Variants in PIAS2 observed in about 807,000 individuals in gnomAD.
The protein encoded by PIAS2 is protein inhibitor of activated STAT 2.
A neutral mutation model predicts 69.7 loss-of-function variants in PIAS2; 19 were observed. The observed-to-expected ratio is 0.27, with a 90% CI of 0.19 to 0.40. The LOEUF is 0.40. PIAS2 is among the 10% of genes least tolerant of loss of function. The pLI is 1.00. For missense variants in PIAS2, 624 were observed against 757.0 expected (o/e 0.82, Z 2.06); for synonymous variants, 261 against 263.2 (o/e 0.99, Z 0.08).
At chr18:46,888,951 T>G (rs1332204878) in intron 2 of PIAS2, among the ~76,000 whole-genome samples, 3 of 152,160 alleles carry the variant, frequency 2.0e-5, no homozygotes, top group Admixed American at 6.5e-5. Context: ...GGTCAAATAC[T>G]TTTTGACAAG....
chr18:46,859,623 T>A (rs1247420773), intron 3 of PIAS2, among the ~76,000 whole-genome samples: 2 of 152,112 alleles, frequency 1.3e-5, no homozygotes, highest in Non-Finnish European at 2.9e-5. Context: ...ACTTCGCATC[T>A]TTGGTGCCTG....
intron 9 of PIAS2, among the ~76,000 whole-genome samples, chr18:46,835,803 T>C (rs1251756999): frequency 6.6e-6 from 1 of 152,218 alleles, no homozygotes; most frequent in African/African-American, 2.4e-5. Flanking sequence ...AAATCTTACA[T>C]GGTACATGGA....
rs971537968 is a variant in PIAS2, at chr18:46,803,314, T to A, written c.*9119A>T. On this transcript the variant is annotated 3_prime_UTR_variant, in exon 14 of 14. Transcript: ENST00000585916. ...GGTGGTATTTTAAATGAAAGTTTTT[T>A]AAAAAATGGATACTTACTTTTTTAG... is the stretch of plus-strand genomic sequence containing the variant. 2.0e-5 allele frequency: 3 copies of A among 152,164 alleles called. No homozygotes were observed. Among genetic ancestry groups the A allele is most frequent in the African/African-American group, 4.8e-5 (2 of 41,436 alleles). The allele number at this position is 152,164 out of a possible 1,614,324, so 9.4% of individuals were successfully genotyped here.
At chr18:46,907,173 C>T (rs2056722739) in intron 1 of PIAS2, among the ~76,000 whole-genome samples, 1 of 152,190 alleles carries the variant, frequency 6.6e-6, no homozygotes, top group Non-Finnish European at 1.5e-5. Context: ...ATGTGCAAAA[C>T]ATAACCAGCA....
intron 10 of PIAS2, among the ~76,000 whole-genome samples, chr18:46,829,183 C>T (rs924052793): frequency 3.3e-5 from 5 of 152,090 alleles, no homozygotes; most frequent in African/African-American, 9.7e-5. Context: ...CTCCAAATGC[C>T]CTCAGTTTCC....
At position 46,844,849 on chromosome 18, in the gene PIAS2, A is replaced by C; in HGVS notation, c.862-10T>G. 2 of 1,186,736 alleles carry C rather than the reference A, an allele frequency of 1.7e-6. No homozygotes were observed. The highest frequency in any genetic ancestry group is 2.3e-6 in the Non-Finnish European group (2 of 856,040). The allele number at this position is 1,186,736 out of a possible 1,614,324, so 73.5% of individuals were successfully genotyped here. On this transcript the variant is annotated splice_polypyrimidine_tract_variant and intron_variant, in intron 6 of 13. Transcript: ENST00000585916. ...CAGACATAGAGTAATTCTACAAACA[A>C]ACAAAAAAAACCTGCATTAAAGATG...
At chr18:46,906,674 G>A (rs1006360420) in intron 1 of PIAS2, among the ~76,000 whole-genome samples, 1 of 150,514 alleles carries the variant, frequency 6.6e-6, no homozygotes, top group African/African-American at 2.4e-5. Flanking sequence ...CAATGATTGT[G>A]GTTAAGAAAA....
At position 46,829,873 on chromosome 18, in the gene PIAS2, A is replaced by G; in HGVS notation, c.1203-6T>C. On this transcript the variant is annotated splice_polypyrimidine_tract_variant and splice_region_variant and intron_variant, in intron 9 of 13. Coordinates refer to ENST00000585916, the MANE Select transcript of PIAS2 (RefSeq NM_004671.5). ...TGAGAATTTCCATAAAAAGCCTAAA[A>G]AACAATTAAGAAGTACATACATGTG... The G allele has an allele frequency of 6.2e-7, 1 of 1,610,776 alleles. No individual in the cohort carries two copies. The highest frequency in any genetic ancestry group is 8.5e-7 in the Non-Finnish European group (1 of 1,178,636).
At chr18:46,855,979 CT>C (rs2047686386) in intron 3 of PIAS2, among the ~76,000 whole-genome samples, 1 of 121,808 alleles carries the variant, frequency 8.2e-6, no homozygotes, top group Non-Finnish European at 1.8e-5. Flanking sequence ...CACTTGAAGA[CT>C]TTTTTCTTTT....
At chr18:46,868,932 G>A (rs146681334) in intron 2 of PIAS2, among the ~76,000 whole-genome samples, 52 of 152,312 alleles carry the variant, frequency 3.4e-4, no homozygotes, top group African/African-American at 1.2e-3. Flanking sequence ...TCTCAGCAAC[G>A]CAGGTGAAAA....
rs1258086082 is a variant in PIAS2, at chr18:46,811,700, G to A, written c.*733C>T. 2 of 152,084 alleles carry A rather than the reference G, an allele frequency of 1.3e-5. No homozygotes were observed. The highest frequency in any genetic ancestry group is 6.5e-5 in the Admixed American group (1 of 15,270). 9.4% of individuals were successfully genotyped at this position (152,084 alleles called of 1,614,324 possible). On this transcript the variant is annotated 3_prime_UTR_variant, in exon 14 of 14. Transcript: ENST00000585916. ...AACATAATAACACACTTTATGTCAG[G>A]GCAGAATCTGCATAGTGCTTTTAAA...
chr18:46,908,611 G>A (rs375951083), intron 1 of PIAS2, among the ~76,000 whole-genome samples: 4 of 151,768 alleles, frequency 2.6e-5, no homozygotes, highest in South Asian at 2.1e-4. Flanking sequence ...AAATATCTTC[G>A]AGAACTCTGT....
chr18:46,823,721 T>C (rs1028788515), intron 11 of PIAS2, among the ~76,000 whole-genome samples: 12 of 152,168 alleles, frequency 7.9e-5, no homozygotes, highest in African/African-American at 2.9e-4. Context: ...AACTACTTAG[T>C]GTTGGTTAAT....
rs1193366876 is a variant in PIAS2, at chr18:46,901,519, T to C, written c.25-10465A>G. On this transcript the variant is annotated intron_variant, in intron 1 of 13. Coordinates refer to ENST00000585916, the MANE Select transcript of PIAS2 (RefSeq NM_004671.5). ...AATATATAAAAAGAATTAAACACCA[T>C]GGTCATTATGCACCATGACCAAGTG... Among the ~76,000 whole-genome samples the C allele has an allele frequency of 3.9e-5, 6 of 152,212 alleles. No individual in the cohort carries two copies. The East Asian group carries it at 9.6e-4, about 24-fold the overall frequency.
intron 10 of PIAS2, among the ~76,000 whole-genome samples, chr18:46,828,476 G>A (rs751892925): frequency 1.3e-5 from 2 of 152,148 alleles, no homozygotes; most frequent in East Asian, 3.9e-4. Flanking sequence ...AGAAAGACAC[G>A]CAGAGTTAGG....
intron 3 of PIAS2, among the ~76,000 whole-genome samples, chr18:46,862,461 C>T (rs954407750): frequency 6.6e-6 from 1 of 152,062 alleles, no homozygotes; most frequent in African/African-American, 2.4e-5. Flanking sequence ...AGGAAGTAAA[C>T]ACCTCTAATT....
At chr18:46,845,723 A>C (rs2046076528) in intron 6 of PIAS2, among the ~76,000 whole-genome samples, 1 of 152,086 alleles carries the variant, frequency 6.6e-6, no homozygotes, top group African/African-American at 2.4e-5. Flanking sequence ...TGCCAAACCA[A>C]GTATTTTAAA....
At position 46,827,912 on chromosome 18, in the gene PIAS2, A is replaced by G. The variant is rs1369030812; in HGVS notation, c.1508+47T>C. ...ACATTTATAAATCTATCCAAGAGCA[A>G]TTAGTTGCAAGGGTAATGAACAATA... is the stretch of plus-strand genomic sequence containing the variant. On this transcript the variant is annotated intron_variant, in intron 11 of 13. Coordinates refer to ENST00000585916, the MANE Select transcript of PIAS2 (RefSeq NM_004671.5). 3 of 1,498,708 alleles carry G rather than the reference A, an allele frequency of 2.0e-6. No individual in the cohort carries two copies. In the East Asian group the frequency reaches 6.8e-5, roughly 34 times the overall value. The allele number at this position is 1,498,708 out of a possible 1,614,324, so 92.8% of individuals were successfully genotyped here. A position where few individuals can be genotyped will look rare whatever the true frequency, so the allele number is the denominator to read the frequency against.
chr18:46,891,460 A>G (rs1201318159), intron 1 of PIAS2, among the ~76,000 whole-genome samples: 1 of 152,222 alleles, frequency 6.6e-6, no homozygotes, highest in East Asian at 1.9e-4. Context: ...CCAATTAACC[A>G]AACAAAAAAT....
Sources: allele counts gnomAD v4.1 joint callset (sites outside exome capture counted in the v4.1 genomes callset), GRCh38; gene constraint gnomAD v4.1.1; transcripts MANE v1.5; gene names NCBI Gene and HGNC (gene_info 2026-07-23, HGNC 2026-07-21).